COL20A1: variants seen among roughly 807,000 people sequenced by gnomAD.
The protein encoded by COL20A1 is collagen type XX alpha 1 chain.
A neutral mutation model predicts 152.9 loss-of-function variants in COL20A1; 164 were observed. The observed-to-expected ratio is 1.07, with a 90% CI of 0.94 to 1.22. COL20A1 has a LOEUF of 1.22. Ranked by LOEUF, COL20A1 falls within the 50% of genes most tolerant of loss-of-function variation. The probability of loss-of-function intolerance (pLI) is 0.00; values close to 1 mark genes in which losing one functional copy is unlikely to be tolerated. For synonymous variants in COL20A1, 864 were observed against 756.0 expected, an observed-to-expected ratio of 1.14 and a Z score of -2.34; for missense variants, 1,873 against 1,744.8, an observed-to-expected ratio of 1.07 and a Z score of -1.31.
intron 20 of COL20A1, 86 bp from the exon 21 acceptor site, chr20:63,316,467 T>C: frequency 1.3e-6 from 1 of 743,800 alleles, no homozygotes. Flanking sequence ...CCTGGGTCCC[T>C]CTTGAGTCCC....
At chr20:63,295,435 G>A (rs1471867097) in intron 2 of COL20A1, among the ~76,000 whole-genome samples, 1 of 152,262 alleles carries the variant, frequency 6.6e-6, no homozygotes, top group African/African-American at 2.4e-5. Flanking sequence ...GCTTGGCCGA[G>A]AGTTATTCCA....
At chr20:63,317,617 C>T (rs1005621485) in intron 21 of COL20A1, among the ~76,000 whole-genome samples, 5 of 152,212 alleles carry the variant, frequency 3.3e-5, no homozygotes, top group African/African-American at 1.2e-4. Flanking sequence ...CCCACACAGC[C>T]GCCGGCCCAT....
chr20:63,320,258 C>T (rs764835535), intron 24 of COL20A1, 33 bp from the exon 25 acceptor site: 62 of 1,606,252 alleles, frequency 3.9e-5, no homozygotes, highest in Non-Finnish European at 5.2e-5. Context: ...CCTCTCTGAG[C>T]CCCGGGGCTG....
intron 15 of COL20A1, 45 bp from the exon 16 acceptor site, chr20:63,312,747 A>G (rs1474219828): frequency 6.7e-7 from 1 of 1,500,718 alleles, no homozygotes; most frequent in Non-Finnish European, 8.9e-7. Flanking sequence ...TGAGGTGCCC[A>G]GGCTCAGGGG....
At chr20:63,326,252 C>T (rs1174096039) in intron 30 of COL20A1, 103 bp downstream of exon 30, 1 of 922,280 alleles carries the variant, frequency 1.1e-6, no homozygotes, top group East Asian at 2.5e-5. Flanking sequence ...CCTAGGTTAC[C>T]CCAGGAAGTG....
In COL20A1 at chr20:63,311,415, C is replaced by T. The variant is rs1236783690; in HGVS notation, c.1415C>T (p.Ala472Val). The stretch of plus-strand genomic sequence containing the variant: ...CCAGCACCTCTGCCTCCGCCCCGGG[C>T]GCTGACCCTGGCCGCAGTGACGCCC... ...VTTAPLPPPR[A>V]LTLAAVTPRT... The change falls in exon 12 of 36, where the codon GCG becomes GTG. Residue 472 changes from alanine (A) to valine (V), a missense_variant. Ala to Val is a moderately conservative substitution (Grantham distance 64, BLOSUM62 0). Transcript: ENST00000358894. This position sits in a 1 kb window ranked among gnomAD's most constrained non-coding sequence, Gnocchi z 4.4. 19 of 1,580,996 alleles carry T rather than the reference C, an allele frequency of 1.2e-5. No individual in the cohort carries two copies. The highest frequency in any genetic ancestry group is 3.5e-5 in the South Asian group (3 of 86,642).
Position 63,313,127 on chromosome 20 carries a change from C to T in COL20A1, c.2087C>T (p.Pro696Leu). 2 of 1,609,216 alleles carry T rather than the reference C, an allele frequency of 1.2e-6. No individual in the cohort carries two copies. Among genetic ancestry groups the T allele is most frequent in the Non-Finnish European group, 1.7e-6 (2 of 1,178,398 alleles). The part of the protein sequence containing the change: ...GEGKAHEISV[P>L]GNLGTAVLPG... The stretch of plus-strand genomic sequence containing the variant: ...CTCTCCTCTCCCTAGATCTCTGTCC[C>T]AGGGAACCTCGGCACGGCCGTCCTG... The change falls in exon 17 of 36, where the codon CCA (proline) becomes CTA (leucine). Residue 696 changes from proline to leucine, a missense_variant. Physicochemically the swap from Pro to Leu is moderately conservative, Grantham distance 98 (BLOSUM62 -3). Coordinates refer to ENST00000358894, the MANE Select transcript of COL20A1 (RefSeq NM_020882.4). The surrounding 1 kb of genome is among the most constrained non-coding windows in gnomAD (Gnocchi z 5.9).
chr20:63,326,712 TG>T, intron 30 of COL20A1, 39 bp from the exon 31 acceptor site: 2 of 1,346,190 alleles, frequency 1.5e-6, no homozygotes, highest in Non-Finnish European at 1.9e-6. Flanking sequence ...GCAGATTTGC[TG>T]GGGGCCCAAG....
At chr20:63,296,338 C>T (rs1235630019) in intron 2 of COL20A1, among the ~76,000 whole-genome samples, 2 of 152,374 alleles carry the variant, frequency 1.3e-5, no homozygotes, top group East Asian at 1.9e-4. Context: ...TGAGTTTAGG[C>T]GAAGGCAAAT....
Position 63,325,442 on chromosome 20 carries a change from G to A in COL20A1, c.3296G>A (p.Gly1099Asp), listed in dbSNP as rs2068230371. ...GTCCAGCCCATCTTCCCCCTCCAGG[G>A]TCCACCAGGGGTCAAAGGAGAGAAG... ...PGEQGFPGPR[G>D]PPGVKGEKGD... The change falls in exon 28 of 36, where the codon GGT becomes GAT. Residue 1099 changes from glycine to aspartate, a missense_variant and splice_region_variant. By Grantham distance (94) the Gly-to-Asp change is moderately conservative. Transcript: ENST00000358894. The A allele has an allele frequency of 6.2e-7, 1 of 1,612,370 alleles. No individual in the cohort carries two copies. The highest frequency in any genetic ancestry group is 8.5e-7 in the Non-Finnish European group (1 of 1,179,090).
chr20:63,300,205 A>G (rs1454513592), intron 3 of COL20A1, among the ~76,000 whole-genome samples: 1 of 152,190 alleles, frequency 6.6e-6, no homozygotes, highest in Non-Finnish European at 1.5e-5. Context: ...AAAGTTTGGT[A>G]TCAGCTTTAT....
rs2068001253 is a variant in COL20A1 at position 63,311,282 on chromosome 20, T to C, written c.1394-112T>C. The stretch of plus-strand genomic sequence containing the variant: ...CTGGGAAGTGCCACTTTGAATCCTG[T>C]GCACCTGCCAGGCGGTGGCCGTGCC... On this transcript the variant is annotated intron_variant, in intron 11 of 35. Transcript: ENST00000358894. The surrounding 1 kb of genome is among the most constrained non-coding windows in gnomAD (Gnocchi z 4.4). 3 of 1,202,400 alleles carry C rather than the reference T, an allele frequency of 2.5e-6. No individual in the cohort carries two copies. In the South Asian group the frequency reaches 4.6e-5, roughly 18 times the overall value. The allele number at this position is 1,202,400 out of a possible 1,614,324, so 74.5% of individuals were successfully genotyped here. A position where few individuals can be genotyped will look rare whatever the true frequency, so the allele number is the denominator to read the frequency against.
intron 2 of COL20A1, among the ~76,000 whole-genome samples, chr20:63,297,405 C>T (rs930122935): frequency 1.3e-5 from 2 of 149,990 alleles, no homozygotes; most frequent in Non-Finnish European, 3.0e-5. Context: ...GGACTCAGCC[C>T]AGGGGCCCCA....
chr20:63,308,664 G>A lies in COL20A1; in HGVS notation c.898G>A (p.Ala300Thr), dbSNP rs755461765. 3 of 1,607,438 alleles carry A rather than the reference G, an allele frequency of 1.9e-6. No individual in the cohort carries two copies. Among genetic ancestry groups the A allele is most frequent in the Non-Finnish European group, 2.5e-6 (3 of 1,177,516 alleles). Residue 300 changes from alanine to threonine, a missense_variant, in exon 8 of 36, where the codon GCC (alanine) becomes ACC (threonine). Transcript: ENST00000358894. ...GKSQDDVHTA[A>T]RVLKDLGVNV... ...GTCCCAGGACGATGTGCACACTGCT[G>A]CCCGTGTCCTCAAGGACCTGGGCGT...
Position 63,309,905 on chromosome 20 carries a change from C to A in COL20A1, c.1253C>A (p.Thr418Asn). The change falls in exon 10 of 36, where the codon ACC becomes AAC. Residue 418 changes from threonine (T) to asparagine (N), a missense_variant. By Grantham distance (65) the Thr-to-Asn change is moderately conservative. Coordinates refer to ENST00000358894, the MANE Select transcript of COL20A1 (RefSeq NM_020882.4). ...LIVWRASRGG[T>N]PREVVVEGPA... ...GTTTGGCGAGCCTCTAGAGGTGGCA[C>A]CCCCAGGGAGGTGAGGGGGCCGGTA... The A allele has an allele frequency of 1.2e-6, 2 of 1,600,738 alleles. No homozygotes were observed. Among genetic ancestry groups the A allele is most frequent in the South Asian group, 2.2e-5 (2 of 89,180 alleles).
intron 19 of COL20A1, 29 bp downstream of exon 19, chr20:63,314,230 G>A (rs1464408159): frequency 6.5e-7 from 1 of 1,546,290 alleles, no homozygotes; most frequent in Admixed American, 2.0e-5. Flanking sequence ...CCCAGACCCA[G>A]GTAGACCCAG....
chr20:63,318,471 A>G (rs2068113462), intron 21 of COL20A1, among the ~76,000 whole-genome samples: 1 of 152,160 alleles, frequency 6.6e-6, no homozygotes, highest in Non-Finnish European at 1.5e-5. Flanking sequence ...TAGGGGACCA[A>G]GACCCTGGTC....
rs1458803556 is a variant in COL20A1 at position 63,331,414 on chromosome 20, T to G, written c.*698T>G. 2 of 152,392 alleles carry G rather than the reference T, an allele frequency of 1.3e-5. No individual in the cohort carries two copies. Among genetic ancestry groups the G allele is most frequent in the Non-Finnish European group, 2.9e-5 (2 of 68,140 alleles). The allele number at this position is 152,392 out of a possible 1,614,324, so 9.4% of individuals were successfully genotyped here. A position where few individuals can be genotyped will look rare whatever the true frequency, so the allele number is the denominator to read the frequency against. On this transcript the variant is annotated 3_prime_UTR_variant, in exon 36 of 36. Transcript: ENST00000358894. ...ACCCAGCCCTGTGCTGAGTTCCTTG[T>G]GCAGGGACATTGCTTTGAGACTTGG...
At chr20:63,309,685 G>A (rs575454514) in intron 9 of COL20A1, 73 bp from the exon 10 acceptor site, 17 of 1,373,854 alleles carry the variant, frequency 1.2e-5, no homozygotes, top group African/African-American at 1.2e-4. Context: ...TCCTGTGAGT[G>A]GCCACCAGGG....
Sources: gnomAD v4.1 joint callset for allele counts (sites outside exome capture counted in the v4.1 genomes callset) on GRCh38, gnomAD v4.1.1 for gene constraint, Gnocchi (gnomAD v3.1) non-coding constraint, MANE v1.5 for transcripts, NCBI Gene and HGNC (gene_info 2026-07-23, HGNC 2026-07-21) for gene names.